The following RWDD2B variants were observed in gnomAD, a reference collection of about 807,000 sequenced individuals.
RWDD2B encodes the protein RWD domain-containing protein 2B.
In RWDD2B, 36 loss-of-function variants were observed where a neutral mutation model predicts 33.6. That is an observed-to-expected ratio of 1.07 (90% CI 0.82 to 1.42). RWDD2B has a LOEUF of 1.42. Ranked by LOEUF, RWDD2B falls within the 40% of genes most tolerant of loss-of-function variation. The pLI is 0.00. For synonymous variants in RWDD2B, 126 were observed against 133.1 expected (o/e 0.95, Z 0.37); for missense variants, 364 against 377.5 (o/e 0.96, Z 0.30).
chr21:29,007,831 T>C lies in RWDD2B; in HGVS notation c.655A>G (p.Ser219Gly). 6.2e-7 allele frequency: 1 copy of C among 1,614,240 alleles called. No homozygotes were observed. Among genetic ancestry groups the C allele is most frequent in the Non-Finnish European group, 8.5e-7 (1 of 1,180,034 alleles). ...ACAACACCAGGTTTTCCAGGCATGC[T>C]AAACCCAGACAGGGAAAGCTCCTTT... is the stretch of plus-strand genomic sequence containing the variant. ...WAKELSLSGF[S>G]MPGKPGVVCV... The change falls in exon 4 of 5, where the codon AGC becomes GGC. Residue 219 changes from serine to glycine, a missense_variant. Ser to Gly is a moderately conservative substitution (Grantham distance 56). Coordinates refer to ENST00000493196, the MANE Select transcript of RWDD2B (RefSeq NM_016940.3).
At chr21:29,010,013 A>G (rs1277085567) in intron 1 of RWDD2B, among the ~76,000 whole-genome samples, 1 of 152,178 alleles carries the variant, frequency 6.6e-6, no homozygotes, top group Non-Finnish European at 1.5e-5. Context: ...ATACTGAATC[A>G]TGTAGATATG....
chr21:29,008,655 T>A (rs2084842146), intron 1 of RWDD2B, 34 bp from the exon 2 acceptor site: 17 of 1,421,302 alleles, frequency 1.2e-5, no homozygotes, highest in Non-Finnish European at 1.6e-5. Context: ...ACAATTTACA[T>A]ATGCAATCTT....
intron 1 of RWDD2B, among the ~76,000 whole-genome samples, chr21:29,018,769 C>T (rs1168321808): frequency 1.3e-5 from 2 of 152,138 alleles, no homozygotes; most frequent in African/African-American, 4.8e-5. Flanking sequence ...GGAAGGGGGA[C>T]TGCTTGAGCC....
intron 1 of RWDD2B, among the ~76,000 whole-genome samples, chr21:29,018,082 C>T (rs765768152): frequency 2.0e-5 from 3 of 152,128 alleles, no homozygotes; most frequent in Non-Finnish European, 4.4e-5. Flanking sequence ...AGTGGGGTGA[C>T]CAGATATAGA....
chr21:29,006,469 G>C lies in RWDD2B; in HGVS notation c.908C>G (p.Thr303Ser). ...DFGQLYQFLN[T>S]KGCGDVFQMF... ...CTGGAAAACATCCCCACATCCTTTG[G>C]TGTTTAAGAACTGATAGAGCTGACC... The change falls in exon 5 of 5, where the codon ACC becomes AGC. Residue 303 changes from threonine (T) to serine (S), a missense_variant. Coordinates refer to ENST00000493196, the MANE Select transcript of RWDD2B (RefSeq NM_016940.3). 1 of 1,614,000 alleles carries C rather than the reference G, an allele frequency of 6.2e-7. No homozygotes were observed. Among genetic ancestry groups the C allele is most frequent in the Non-Finnish European group, 8.5e-7 (1 of 1,179,938 alleles).
chr21:29,007,978 T>C lies in RWDD2B; in HGVS notation c.508A>G (p.Thr170Ala). The change falls in exon 4 of 5, where the codon ACT becomes GCT. Residue 170 changes from threonine (T) to alanine (A), a missense_variant. Transcript: ENST00000493196. ...EHASGYVSRD[T>A]SSSPTTGSTV... ...CTTCCTGTGGTGGGTGAAGATGAAG[T>C]ATCTCTGCTGACATAGCCAGAGGCG... The C allele has an allele frequency of 6.2e-7, 1 of 1,614,224 alleles. No individual in the cohort carries two copies. The highest frequency in any genetic ancestry group is 1.1e-5 in the South Asian group (1 of 91,086).
At chr21:29,018,836 T>A (rs552500601) in intron 1 of RWDD2B, among the ~76,000 whole-genome samples, 24 of 152,218 alleles carry the variant, frequency 1.6e-4, no homozygotes, top group East Asian at 5.8e-4. Flanking sequence ...ATTATTTTTT[T>A]AAAAAATAAA....
intron 1 of RWDD2B, among the ~76,000 whole-genome samples, chr21:29,010,714 C>G (rs1443998838): frequency 2.0e-5 from 3 of 151,758 alleles, no homozygotes; most frequent in African/African-American, 7.3e-5. Context: ...CCCTCTGATT[C>G]CGAGCCGAAG....
chr21:29,007,744 C>A lies in RWDD2B; in HGVS notation c.725+17G>T. ...AACATTATTGACATGACTTCATATA[C>A]ATATGTAAAAGCAAACCTTGACCAG... On this transcript the variant is annotated intron_variant, in intron 4 of 4. Coordinates refer to ENST00000493196, the MANE Select transcript of RWDD2B (RefSeq NM_016940.3). 1.2e-6 allele frequency: 2 copies of A among 1,604,118 alleles called. No individual in the cohort carries two copies. The highest frequency in any genetic ancestry group is 1.7e-6 in the Non-Finnish European group (2 of 1,176,058).
chr21:29,010,634 C>CAAAA (rs1435925083), intron 1 of RWDD2B, among the ~76,000 whole-genome samples: 7 of 127,316 alleles, frequency 5.5e-5, no homozygotes, highest in East Asian at 2.3e-4. Flanking sequence ...AAAAAAAAAC[C>CAAAA]AAAAAAAACC....
chr21:29,018,873 A>C (rs1001322533), intron 1 of RWDD2B, among the ~76,000 whole-genome samples: 2 of 152,166 alleles, frequency 1.3e-5, no homozygotes, highest in African/African-American at 4.8e-5. Flanking sequence ...GCAGACTGAA[A>C]CTTGAGATTT....
intron 1 of RWDD2B, among the ~76,000 whole-genome samples, chr21:29,009,199 C>G (rs1435133248): frequency 2.0e-5 from 3 of 152,078 alleles, no homozygotes; most frequent in Non-Finnish European, 4.4e-5. Context: ...GCAATCCTCC[C>G]ACCTCAGACT....
intron 1 of RWDD2B, among the ~76,000 whole-genome samples, chr21:29,010,716 G>A (rs1300521449): frequency 6.6e-6 from 1 of 150,808 alleles, no homozygotes; most frequent in African/African-American, 2.4e-5. Flanking sequence ...CTCTGATTCC[G>A]AGCCGAAGCT....
In RWDD2B at chr21:29,011,348, T is replaced by G. The variant is rs547435533; in HGVS notation, c.68-2727A>C. ...CCGTCCGGGATGCGAGGAGCGTCTC[T>G]GCCCGGCCACCCGGTCTGAGAAGTG... On this transcript the variant is annotated intron_variant, in intron 1 of 4. Transcript: ENST00000493196. Among the ~76,000 whole-genome samples the G allele has an allele frequency of 9.0e-5, 13 of 144,616 alleles. No homozygotes were observed. In the East Asian group the frequency reaches 2.5e-3, roughly 28 times the overall value. 94.9% of individuals were successfully genotyped at this position (144,616 alleles called of 152,430 possible). A position where few individuals can be genotyped will look rare whatever the true frequency, so the allele number is the denominator to read the frequency against.
chr21:29,013,210 GCTAA>G (rs1289982184), intron 1 of RWDD2B, among the ~76,000 whole-genome samples: 3 of 151,942 alleles, frequency 2.0e-5, no homozygotes, highest in Non-Finnish European at 2.9e-5. Flanking sequence ...ACCATACCCA[GCTAA>G]CTAATACTCA....
intron 1 of RWDD2B, among the ~76,000 whole-genome samples, chr21:29,009,929 C>T (rs1375192532): frequency 6.6e-6 from 1 of 152,152 alleles, no homozygotes; most frequent in African/African-American, 2.4e-5. Flanking sequence ...TCCCTCCCCA[C>T]CAAATATATT....
At chr21:29,008,771 T>A (rs148764782) in intron 1 of RWDD2B, 150 bp from the exon 2 acceptor site, 94 of 627,120 alleles carry the variant, frequency 1.5e-4, no homozygotes, top group Non-Finnish European at 2.3e-4. Context: ...TACTTTCAGA[T>A]ATAATATGCT....
chr21:29,006,644 TTC>T lies in RWDD2B; in HGVS notation c.731_732del (p.Arg244LysfsTer18), dbSNP rs1400899188. 1.3e-6 allele frequency: 2 copies of T among 1,589,046 alleles called. No homozygotes were observed. The highest frequency in any genetic ancestry group is 2.2e-5 in the South Asian group (2 of 89,168). Reference sequence around the variant, plus strand: ...ATTAAAATTCTCTTCCAGTTTAATTTTCTGAGTCTGAAAAGAAATTTCCAAAG... The same window carrying T: ...ATTAAAATTCTCTTCCAGTTTAATTTTGAGTCTGAAAAGAAATTTCCAAAG... ...SACEEFWSRL[R>X]KLNWKRILIR... On this transcript the variant is annotated frameshift_variant, in exon 5 of 5. Transcript: ENST00000493196. LOFTEE classifies it high-confidence loss of function.
chr21:29,011,846 T>C (rs2084863197), intron 1 of RWDD2B, among the ~76,000 whole-genome samples: 1 of 100,768 alleles, frequency 9.9e-6, no homozygotes, highest in Non-Finnish European at 2.1e-5. Flanking sequence ...TACTGGGAAG[T>C]GAGGAGCCCC....
Sources: gnomAD v4.1 joint callset for allele counts (sites outside exome capture counted in the v4.1 genomes callset) on GRCh38, gnomAD v4.1.1 for gene constraint, MANE v1.5 for transcripts, NCBI Gene and HGNC (gene_info 2026-07-23, HGNC 2026-07-21) for gene names.